Variants in SATB1 observed in about 807,000 individuals in gnomAD.
SATB1 encodes the protein DNA-binding protein SATB1.
A neutral mutation model predicts 86.9 loss-of-function variants in SATB1; 11 were observed. The ratio of observed to expected loss-of-function variants is 0.13; its 90% CI spans 0.08 to 0.21. The LOEUF (loss-of-function observed/expected upper bound fraction) is 0.21, where lower values mean the gene tolerates loss of function less well. SATB1 is among the 10% of genes least tolerant of loss of function. The probability of loss-of-function intolerance (pLI) is 1.00; values close to 1 mark genes in which losing one functional copy is unlikely to be tolerated. For synonymous variants in SATB1, 357 were observed against 357.2 expected, an observed-to-expected ratio of 1.00 and a Z score of 0.01; for missense variants, 551 against 937.6, an observed-to-expected ratio of 0.59 and a Z score of 5.39.
chr3:18,428,279 C>G (rs1410777041), upstream of SATB1, among the ~76,000 whole-genome samples: 2 of 152,122 alleles, frequency 1.3e-5, no homozygotes, highest in Non-Finnish European at 2.9e-5. Flanking sequence ...GGCTCTCTTC[C>G]TTTTCTTACA....
Position 18,415,250 on chromosome 3 carries a change from A to G in SATB1, c.516-16T>C. On this transcript the variant is annotated splice_polypyrimidine_tract_variant and intron_variant, in intron 4 of 10. Transcript: ENST00000338745. Reference sequence around the variant, plus strand: ...TTTGGGGCAACTATTTGAGACATAGATTAGAAAGGGGATTATTACAAGATT... The same window carrying G: ...TTTGGGGCAACTATTTGAGACATAGGTTAGAAAGGGGATTATTACAAGATT... 1 of 1,612,274 alleles carries G rather than the reference A, an allele frequency of 6.2e-7. No individual in the cohort carries two copies. Among genetic ancestry groups the G allele is most frequent in the Non-Finnish European group, 8.5e-7 (1 of 1,178,782 alleles).
intron 9 of SATB1, among the ~76,000 whole-genome samples, chr3:18,365,866 C>T (rs1003747083): frequency 4.6e-5 from 7 of 152,046 alleles, no homozygotes; most frequent in Admixed American, 3.9e-4. Flanking sequence ...ATTACCCTTC[C>T]CCCAATCTCC....
chr3:18,345,589 C>T lies in SATB1; in HGVS notation c.*3581G>A, dbSNP rs1029038578. On this transcript the variant is annotated 3_prime_UTR_variant, in exon 11 of 11. Coordinates refer to ENST00000338745, the MANE Select transcript of SATB1 (RefSeq NM_002971.6). ...ATTAAAAGGATTGCCTCAGAAGAAA[C>T]ATTGAATTCATAAGCCCTCTTAAAA... 2.0e-5 allele frequency: 3 copies of T among 152,018 alleles called. No individual in the cohort carries two copies. The highest frequency in any genetic ancestry group is 2.9e-5 in the Non-Finnish European group (2 of 67,936). The allele number at this position is 152,018 out of a possible 1,614,324, so 9.4% of individuals were successfully genotyped here. A position where few individuals can be genotyped will look rare whatever the true frequency, so the allele number is the denominator to read the frequency against.
At chr3:18,355,485 A>G (rs925505843) in intron 9 of SATB1, among the ~76,000 whole-genome samples, 3 of 152,012 alleles carry the variant, frequency 2.0e-5, no homozygotes, top group Non-Finnish European at 4.4e-5. Flanking sequence ...ATATTGTTAG[A>G]ACAAATAAAC....
chr3:18,412,343 C>T (rs1697895121), intron 5 of SATB1, among the ~76,000 whole-genome samples: 1 of 152,044 alleles, frequency 6.6e-6, no homozygotes, highest in Admixed American at 6.6e-5. Context: ...GCTTATTCAA[C>T]ACCCCAGGCA....
At chr3:18,381,412 T>A (rs1032917573) in intron 8 of SATB1, among the ~76,000 whole-genome samples, 1 of 152,332 alleles carries the variant, frequency 6.6e-6, no homozygotes, top group Admixed American at 6.5e-5. Flanking sequence ...GTTTATTATG[T>A]GCTGGACATT....
Position 18,444,369 on chromosome 3 carries a change from C to G in SATB1, c.-25+1149G>C, listed in dbSNP as rs1699323600. On this transcript the variant is annotated intron_variant, in intron 1 of 3. Coordinates refer to the SATB1 transcript ENST00000415069. This position sits in a 1 kb window ranked among gnomAD's most constrained non-coding sequence, Gnocchi z 5.1. ...AAAACGAATGGCATCTTCAAATCCC[C>G]CATCCCGACCGCTCTCCCCTACTCT... 6.6e-6 allele frequency among the ~76,000 whole-genome samples: 1 copy of G among 151,988 alleles called. No homozygotes were observed. The highest frequency in any genetic ancestry group is 2.4e-5 in the African/African-American group (1 of 41,378).
At chr3:18,429,517 C>A (rs940002390), upstream of SATB1, among the ~76,000 whole-genome samples, 1 of 152,170 alleles carries the variant, frequency 6.6e-6, no homozygotes, top group African/African-American at 2.4e-5. This position sits in a 1 kb window ranked among gnomAD's most constrained non-coding sequence, Gnocchi z 4.1. Context: ...TAAGATCCTA[C>A]GTCTTAAACA....
chr3:18,409,743 C>A (rs1335981661), intron 5 of SATB1: 1 of 151,792 alleles, frequency 6.6e-6, no homozygotes, highest in Non-Finnish European at 1.5e-5. Flanking sequence ...AGCTTTTATT[C>A]AAAATATATG....
chr3:18,345,733 C>CACA lies in SATB1; in HGVS notation c.*3434_*3436dup, dbSNP rs988361368. The CACA allele has an allele frequency of 4.6e-5, 7 of 152,220 alleles. No homozygotes were observed. The highest frequency in any genetic ancestry group is 2.0e-4 in the Admixed American group (3 of 15,288). The allele number at this position is 152,220 out of a possible 1,614,324, so 9.4% of individuals were successfully genotyped here. On this transcript the variant is annotated 3_prime_UTR_variant, in exon 11 of 11. Coordinates refer to ENST00000338745, the MANE Select transcript of SATB1 (RefSeq NM_002971.6). ...CATGCAAATTTCCAACTTGCTTTAA[C>CACA]ACAACAGTTCTATCAGCTGTATTAG...
intron 2 of SATB1, among the ~76,000 whole-genome samples, chr3:18,434,168 T>C (rs556950769): frequency 3.6e-4 from 55 of 152,160 alleles, no homozygotes; most frequent in African/African-American, 1.3e-3. Flanking sequence ...TAACCTCTCA[T>C]CTCTTCTTTG....
rs1234124898 is a variant in SATB1 at position 18,348,047 on chromosome 3, G to A, written c.*1123C>T. ...GATACACTTATAAAAACAGCCAGCT[G>A]TAACAAAATAGCTGTTTTCATAGCC... On this transcript the variant is annotated 3_prime_UTR_variant, in exon 11 of 11. Transcript: ENST00000338745. 1 of 152,554 alleles carries A rather than the reference G, an allele frequency of 6.6e-6. No homozygotes were observed. The highest frequency in any genetic ancestry group is 1.5e-5 in the Non-Finnish European group (1 of 68,006). 9.5% of individuals were successfully genotyped at this position (152,554 alleles called of 1,614,324 possible). A position where few individuals can be genotyped will look rare whatever the true frequency, so the allele number is the denominator to read the frequency against.
intron 5 of SATB1, among the ~76,000 whole-genome samples, chr3:18,408,385 G>A (rs1021947054): frequency 6.6e-6 from 1 of 151,936 alleles, no homozygotes; most frequent in African/African-American, 2.4e-5. Context: ...ATCCCAGGGT[G>A]CTTTACAATC....
At chr3:18,416,185 T>C (rs1698103347) in intron 3 of SATB1, 52 bp from the exon 4 acceptor site, 11 of 1,464,264 alleles carry the variant, frequency 7.5e-6, no homozygotes, top group Non-Finnish European at 1.0e-5. Context: ...TCAGATAATA[T>C]ATCTACTAGA....
chr3:18,440,505 A>G (rs772001889), upstream of SATB1, among the ~76,000 whole-genome samples: 2 of 152,146 alleles, frequency 1.3e-5, no homozygotes, highest in Non-Finnish European at 2.9e-5. Flanking sequence ...TAAACTATAA[A>G]CTGGTATTTA....
At chr3:18,379,598 T>C (rs931132217) in intron 8 of SATB1, among the ~76,000 whole-genome samples, 2 of 152,236 alleles carry the variant, frequency 1.3e-5, no homozygotes, top group African/African-American at 4.8e-5. Flanking sequence ...AGATTTATTT[T>C]ACTCTGTTCC....
At chr3:18,361,362 T>C (rs1299291405) in intron 9 of SATB1, among the ~76,000 whole-genome samples, 1 of 152,066 alleles carries the variant, frequency 6.6e-6, no homozygotes, top group Non-Finnish European at 1.5e-5. Flanking sequence ...TGAAAAGGGC[T>C]TGGCACACAG....
chr3:18,382,268 T>C (rs572801326), intron 8 of SATB1, among the ~76,000 whole-genome samples: 1 of 152,034 alleles, frequency 6.6e-6, no homozygotes, highest in African/African-American at 2.4e-5. Flanking sequence ...ATGTAAAAAA[T>C]GAAGAATTAC....
chr3:18,425,149 TGCCGCC>T lies in SATB1; in HGVS notation c.-1553_-1548del. ...TCTCCGCCGCTGCTCCTGCTGCTGC[TGCCGCC>T]GCCGCCGCCGCTGCCGCTGTGGGTG... is the stretch of plus-strand genomic sequence containing the variant. On this transcript the variant is annotated 5_prime_UTR_variant, in exon 1 of 11. Coordinates refer to ENST00000338745, the MANE Select transcript of SATB1 (RefSeq NM_002971.6). 1.1e-5 allele frequency: 2 copies of T among 175,640 alleles called. No individual in the cohort carries two copies. Among genetic ancestry groups the T allele is most frequent in the Non-Finnish European group, 2.3e-5 (2 of 85,562 alleles). The allele number at this position is 175,640 out of a possible 1,614,324, so 10.9% of individuals were successfully genotyped here.
Sources: gnomAD v4.1 joint callset for allele counts (sites outside exome capture counted in the v4.1 genomes callset) on GRCh38, gnomAD v4.1.1 for gene constraint, Gnocchi (gnomAD v3.1) non-coding constraint, MANE v1.5 for transcripts, NCBI Gene and HGNC (gene_info 2026-07-23, HGNC 2026-07-21) for gene names.